Variants in THADA observed in about 807,000 individuals in gnomAD.
THADA encodes the protein tRNA (32-2'-O)-methyltransferase regulator THADA.
THADA carries 213 observed loss-of-function variants against 219.8 expected under a neutral mutation model. The ratio of observed to expected loss-of-function variants is 0.97; its 90% CI spans 0.87 to 1.09. The LOEUF is 1.09. THADA is among the 50% of genes least tolerant of loss of function. The pLI, the probability that THADA is intolerant of heterozygous loss-of-function variation, is 0.00. For missense variants in THADA, 2,956 were observed against 2,311.3 expected, an observed-to-expected ratio of 1.28 and a Z score of -5.72; for synonymous variants, 1,018 against 828.9, an observed-to-expected ratio of 1.23 and a Z score of -3.92.
chr2:43,499,689 T>G (rs1024605863), intron 24 of THADA, among the ~76,000 whole-genome samples: 1 of 152,080 alleles, frequency 6.6e-6, no homozygotes, highest in Non-Finnish European at 1.5e-5. Context: ...AAAAAATGCT[T>G]AAAATCGGCA....
intron 29 of THADA, among the ~76,000 whole-genome samples, chr2:43,354,847 T>G (rs556044070): frequency 6.6e-6 from 1 of 152,314 alleles, no homozygotes; most frequent in South Asian, 2.1e-4. Context: ...AATTGAATCA[T>G]GGGGGTGGTT....
intron 30 of THADA, among the ~76,000 whole-genome samples, chr2:43,337,397 G>C (rs549700558): frequency 6.6e-4 from 100 of 152,218 alleles, no homozygotes; most frequent in African/African-American, 2.3e-3. Context: ...CTGTAGAAAA[G>C]ATTTTTTTAT....
At position 43,581,721 on chromosome 2, in the gene THADA, A is replaced by T; in HGVS notation, c.721+20T>A. The T allele has an allele frequency of 6.3e-7, 1 of 1,595,092 alleles. No individual in the cohort carries two copies. The highest frequency in any genetic ancestry group is 8.5e-7 in the Non-Finnish European group (1 of 1,170,866). ...TAACTGTCAATTATATATCATTTGT[A>T]TATAATTTGTTACACTTACCATCGC... is the stretch of plus-strand genomic sequence containing the variant. On this transcript the variant is annotated intron_variant, in intron 8 of 37. Transcript: ENST00000405975.
chr2:43,432,113 C>T (rs1297649319), intron 26 of THADA, among the ~76,000 whole-genome samples: 1 of 139,630 alleles, frequency 7.2e-6, no homozygotes, highest in Non-Finnish European at 1.5e-5. Context: ...GCCTCGGCCT[C>T]CCAAAGTGCT....
In THADA at chr2:43,333,748, T is replaced by A. The variant is rs1666064084; in HGVS notation, c.4343+10374A>T. On this transcript the variant is annotated intron_variant, in intron 30 of 37. Transcript: ENST00000405975. Reference sequence around the variant, plus strand: ...TAACAATCATCCTGGACTGGATTCATTTCAACGGCATGGAAGTGAAACAGC... The same window carrying A: ...TAACAATCATCCTGGACTGGATTCAATTCAACGGCATGGAAGTGAAACAGC... Among the ~76,000 whole-genome samples the A allele has an allele frequency of 2.6e-5, 4 of 152,204 alleles. No individual in the cohort carries two copies. The South Asian group carries it at 8.3e-4, about 32-fold the overall frequency.
chr2:43,421,465 T>C (rs559118462), intron 28 of THADA, among the ~76,000 whole-genome samples: 2 of 152,312 alleles, frequency 1.3e-5, no homozygotes, highest in South Asian at 4.1e-4. Context: ...CAAAGCCCTA[T>C]TTCTCAGGTG....
At position 43,574,188 on chromosome 2, in the gene THADA, G is replaced by A. The variant is rs147802823; in HGVS notation, c.1729+148C>T. 456 of 652,844 alleles carry A rather than the reference G, an allele frequency of 7.0e-4. 2 individuals carry two copies. Among genetic ancestry groups the A allele is most frequent in the African/African-American group, 6.9e-3 (376 of 54,370 alleles). The allele number at this position is 652,844 out of a possible 1,614,324, so 40.4% of individuals were successfully genotyped here. A position where few individuals can be genotyped will look rare whatever the true frequency, so the allele number is the denominator to read the frequency against. ...CATTCAGCTATATATAGGAACATTC[G>A]TTTCAAACTGAAACATCTATCATTA... On this transcript the variant is annotated intron_variant, in intron 11 of 37. Coordinates refer to ENST00000405975, the MANE Select transcript of THADA (RefSeq NM_022065.5).
chr2:43,285,410 C>G (rs944629905), intron 35 of THADA, among the ~76,000 whole-genome samples: 3 of 152,182 alleles, frequency 2.0e-5, no homozygotes, highest in Non-Finnish European at 4.4e-5. Flanking sequence ...TGCTCTCTCT[C>G]TCTCCTGCCA....
At chr2:43,509,490 G>C (rs982575159) in intron 22 of THADA, among the ~76,000 whole-genome samples, 1 of 152,142 alleles carries the variant, frequency 6.6e-6, no homozygotes, top group African/African-American at 2.4e-5. Flanking sequence ...ATCTTAGCAA[G>C]GTAGTACCTG....
chr2:43,272,717 T>C (rs1672273026), intron 36 of THADA, among the ~76,000 whole-genome samples: 1 of 151,118 alleles, frequency 6.6e-6, no homozygotes, highest in Non-Finnish European at 1.5e-5. Flanking sequence ...CTTGACCTTC[T>C]GGGCTCAAGT....
At position 43,508,787 on chromosome 2, in the gene THADA, G is replaced by A; in HGVS notation, c.3375-7C>T. The A allele has an allele frequency of 1.2e-6, 2 of 1,611,194 alleles. No homozygotes were observed. Among genetic ancestry groups the A allele is most frequent in the South Asian group, 2.2e-5 (2 of 90,434 alleles). On this transcript the variant is annotated splice_region_variant and splice_polypyrimidine_tract_variant and intron_variant, in intron 22 of 37. Transcript: ENST00000405975. ...CAGACTCACATTTGGGCACCTAAAA[G>A]GCATATATAATCAAATATTCGGAAT...
intron 22 of THADA, among the ~76,000 whole-genome samples, chr2:43,519,970 T>C (rs1692207227): frequency 2.0e-5 from 3 of 152,230 alleles, no homozygotes. Context: ...ACTCCAGGGT[T>C]GCTGGTGTTT....
rs911852657 is a variant in THADA, at chr2:43,418,785, A to G, written c.4058+9315T>C. On this transcript the variant is annotated intron_variant, in intron 28 of 37. Coordinates refer to ENST00000405975, the MANE Select transcript of THADA (RefSeq NM_022065.5). Reference sequence around the variant, plus strand: ...GCGGGAGGAAGGGGGCCCTCCAAGGAGAGATAGAAATAACGGCCAGAGAAG... The same window carrying G: ...GCGGGAGGAAGGGGGCCCTCCAAGGGGAGATAGAAATAACGGCCAGAGAAG... 1.1e-4 allele frequency among the ~76,000 whole-genome samples: 16 copies of G among 152,284 alleles called. No individual in the cohort carries two copies. The East Asian group carries it at 1.4e-3, about 13-fold the overall frequency.
intron 18 of THADA, 76 bp downstream of exon 18, chr2:43,552,128 G>A (rs902669369): frequency 1.9e-6 from 3 of 1,546,114 alleles, no homozygotes; most frequent in Middle Eastern, 1.7e-4. Flanking sequence ...CCTTTCCCAG[G>A]ACACATTCCA....
At chr2:43,512,046 A>G (rs924917583) in intron 22 of THADA, among the ~76,000 whole-genome samples, 1 of 152,208 alleles carries the variant, frequency 6.6e-6, no homozygotes, top group Non-Finnish European at 1.5e-5. Flanking sequence ...ATTGCATACT[A>G]AGAACCAAAT....
At chr2:43,371,252 T>C (rs192440710) in intron 29 of THADA, among the ~76,000 whole-genome samples, 2 of 152,342 alleles carry the variant, frequency 1.3e-5, no homozygotes, top group East Asian at 3.9e-4. Context: ...TTATCAAATA[T>C]AATTCTTAAA....
At chr2:43,316,876 G>A (rs574591070) in intron 31 of THADA, among the ~76,000 whole-genome samples, 8 of 152,198 alleles carry the variant, frequency 5.3e-5, no homozygotes, top group Non-Finnish European at 8.8e-5. Flanking sequence ...TTGGTAAGCC[G>A]AGATTGTGCC....
chr2:43,379,514 C>A (rs1450412058), intron 29 of THADA, among the ~76,000 whole-genome samples: 1 of 152,164 alleles, frequency 6.6e-6, no homozygotes, highest in East Asian at 1.9e-4. Context: ...TACACACTTA[C>A]TAGAACAGCT....
intron 28 of THADA, among the ~76,000 whole-genome samples, chr2:43,399,463 C>A (rs984484754): frequency 6.6e-6 from 1 of 152,120 alleles, no homozygotes; most frequent in Admixed American, 6.5e-5. Context: ...AATATGCCAA[C>A]AGAAATACAG....
Sources: allele counts gnomAD v4.1 joint callset (sites outside exome capture counted in the v4.1 genomes callset), GRCh38; gene constraint gnomAD v4.1.1; transcripts MANE v1.5; gene names NCBI Gene and HGNC (gene_info 2026-07-23, HGNC 2026-07-21).